The following MEOX2 variants were observed in gnomAD, a reference collection of about 807,000 sequenced individuals.
The protein encoded by MEOX2 is homeobox protein MOX-2.
Under a neutral mutation model 27.0 loss-of-function variants are expected in MEOX2, and 11 were observed. The ratio of observed to expected loss-of-function variants is 0.41; its 90% confidence interval spans 0.26 to 0.68. The LOEUF (loss-of-function observed/expected upper bound fraction) is 0.68. Ranked by LOEUF, MEOX2 falls within the 30% of genes least tolerant of loss-of-function variation. The pLI, the probability that MEOX2 is intolerant of heterozygous loss-of-function variation, is 0.33. For missense variants in MEOX2, 436 were observed against 385.4 expected, an observed-to-expected ratio of 1.13 and a Z score of -1.10; for synonymous variants, 189 against 155.4, an observed-to-expected ratio of 1.22 and a Z score of -1.61.
chr7:15,637,656 T>C (rs1319061058), intron 1 of MEOX2, among the ~76,000 whole-genome samples: 3 of 152,114 alleles, frequency 2.0e-5, no homozygotes, highest in Admixed American at 6.6e-5. Flanking sequence ...AACAGAATTG[T>C]AGTTATAATT....
intron 1 of MEOX2, among the ~76,000 whole-genome samples, chr7:15,637,313 A>G (rs1781493955): frequency 6.6e-6 from 1 of 152,012 alleles, no homozygotes; most frequent in Admixed American, 6.6e-5. Flanking sequence ...GGCACTCAAA[A>G]CTCACATACG....
intron 1 of MEOX2, among the ~76,000 whole-genome samples, chr7:15,628,953 G>A (rs139351503): frequency 1.7e-4 from 26 of 152,134 alleles, no homozygotes; most frequent in African/African-American, 5.3e-4. Context: ...AAGAACTTTT[G>A]CCAATTTGGA....
At chr7:15,622,064 C>A (rs971655392) in intron 2 of MEOX2, among the ~76,000 whole-genome samples, 1 of 152,128 alleles carries the variant, frequency 6.6e-6, no homozygotes, top group African/African-American at 2.4e-5. Flanking sequence ...TTGCAGTGAG[C>A]CGAGACTGCA....
At chr7:15,684,988 G>C (rs950959901) in intron 1 of MEOX2, among the ~76,000 whole-genome samples, 1 of 152,208 alleles carries the variant, frequency 6.6e-6, no homozygotes, top group African/African-American at 2.4e-5. Context: ...CTTTTGCATG[G>C]CTGCTCAAAT....
intron 1 of MEOX2, among the ~76,000 whole-genome samples, chr7:15,638,815 A>G (rs1467566618): frequency 6.6e-6 from 1 of 152,076 alleles, no homozygotes; most frequent in Non-Finnish European, 1.5e-5. Flanking sequence ...AGGATTTGAT[A>G]CCTTTTTTAT....
intron 1 of MEOX2, among the ~76,000 whole-genome samples, chr7:15,628,561 G>C (rs73300587): frequency 0.013 from 1,955 of 152,148 alleles, 34 homozygotes; most frequent in African/African-American, 0.045. Flanking sequence ...GGGTATGTGG[G>C]GCTTTATCCA....
intron 2 of MEOX2, among the ~76,000 whole-genome samples, chr7:15,615,638 T>C (rs542786210): frequency 8.6e-4 from 131 of 152,214 alleles, no homozygotes; most frequent in Admixed American, 1.1e-3. Context: ...GGTTCTACTC[T>C]TGGCTTTACT....
intron 1 of MEOX2, among the ~76,000 whole-genome samples, chr7:15,649,547 C>T (rs532131690): frequency 1.1e-4 from 17 of 151,978 alleles, no homozygotes; most frequent in Non-Finnish European, 2.4e-4. Flanking sequence ...AAAGAGCTTT[C>T]CAGATGACAA....
intron 1 of MEOX2, chr7:15,680,478 T>C (rs1338845858): frequency 6.6e-6 from 1 of 151,964 alleles, no homozygotes; most frequent in Non-Finnish European, 1.5e-5. Context: ...CATAAAATAT[T>C]CTGCGAGGTT....
chr7:15,674,340 G>C (rs1782157327), intron 1 of MEOX2, among the ~76,000 whole-genome samples: 1 of 151,990 alleles, frequency 6.6e-6, no homozygotes, highest in South Asian at 2.1e-4. Context: ...GAGTCCTGGG[G>C]GAAAGAACTA....
intron 1 of MEOX2, among the ~76,000 whole-genome samples, chr7:15,644,590 A>G (rs1236844724): frequency 4.6e-5 from 7 of 152,310 alleles, no homozygotes; most frequent in African/African-American, 1.4e-4. Flanking sequence ...CACTTTCTGC[A>G]GCTCATCTCC....
chr7:15,647,221 A>G (rs966440962), intron 1 of MEOX2, among the ~76,000 whole-genome samples: 7 of 152,056 alleles, frequency 4.6e-5, no homozygotes, highest in South Asian at 2.1e-4. Flanking sequence ...TAATCATCCA[A>G]TTCCCAGAAA....
At chr7:15,673,353 T>A (rs1782134960) in intron 1 of MEOX2, among the ~76,000 whole-genome samples, 1 of 151,884 alleles carries the variant, frequency 6.6e-6, no homozygotes, top group South Asian at 2.1e-4. Context: ...GGTGTAACCA[T>A]CCACATTTTA....
intron 1 of MEOX2, 99 bp from the exon 2 acceptor site, chr7:15,627,017 G>A: frequency 8.4e-7 from 1 of 1,184,536 alleles, no homozygotes; most frequent in Non-Finnish European, 1.2e-6. Flanking sequence ...TCCAGGTACT[G>A]CGCTAGACAT....
chr7:15,655,211 G>GGA (rs1781799286), intron 1 of MEOX2, among the ~76,000 whole-genome samples: 1 of 151,500 alleles, frequency 6.6e-6, no homozygotes, highest in South Asian at 2.1e-4. Flanking sequence ...GATGTCTACA[G>GGA]TATTTGTAGC....
At chr7:15,636,773 C>G in intron 1 of MEOX2, among the ~76,000 whole-genome samples, 1 of 152,000 alleles carries the variant, frequency 6.6e-6, no homozygotes, top group East Asian at 1.9e-4. Flanking sequence ...TTCCTACAAT[C>G]CTAGAGGCTG....
chr7:15,624,064 G>A (rs1781259960), intron 2 of MEOX2, among the ~76,000 whole-genome samples: 1 of 152,210 alleles, frequency 6.6e-6, no homozygotes, highest in Non-Finnish European at 1.5e-5. Context: ...AGAAGAAAGA[G>A]CAGGTTTTAA....
chr7:15,631,973 A>G (rs944340960), intron 1 of MEOX2, among the ~76,000 whole-genome samples: 5 of 128,086 alleles, frequency 3.9e-5, no homozygotes, highest in African/African-American at 1.4e-4. Flanking sequence ...GCACAAGATT[A>G]TTCTTAAATT....
At chr7:15,670,397 T>C (rs995610777) in intron 1 of MEOX2, among the ~76,000 whole-genome samples, 4 of 152,234 alleles carry the variant, frequency 2.6e-5, no homozygotes, top group Admixed American at 2.0e-4. Context: ...TTGTGGTATT[T>C]GAATCTGATA....
Sources: allele counts gnomAD v4.1 joint callset (sites outside exome capture counted in the v4.1 genomes callset), GRCh38; gene constraint gnomAD v4.1.1; transcripts MANE v1.5; gene names NCBI Gene and HGNC (gene_info 2026-07-23, HGNC 2026-07-21).